The following CACNA1E variants were observed in gnomAD, a reference collection of about 807,000 sequenced individuals.
CACNA1E encodes calcium voltage-gated channel subunit alpha1 E.
A neutral mutation model predicts 259.2 loss-of-function variants in CACNA1E; 40 were observed. The observed-to-expected ratio is 0.15, with a 90% CI of 0.12 to 0.20. The LOEUF is 0.20. Ranked by LOEUF, CACNA1E falls within the 10% of genes least tolerant of loss-of-function variation. The pLI is 1.00. For synonymous variants in CACNA1E, 1,104 were observed against 1,138.5 expected, an observed-to-expected ratio of 0.97 and a Z score of 0.61; for missense variants, 1,874 against 3,040.1, an observed-to-expected ratio of 0.62 and a Z score of 9.02.
At chr1:181,744,918 A>G (rs1656917178) in intron 25 of CACNA1E, among the ~76,000 whole-genome samples, 1 of 152,174 alleles carries the variant, frequency 6.6e-6, no homozygotes, top group Non-Finnish European at 1.5e-5. Flanking sequence ...GGAATTGGAA[A>G]TTTCCAACTG....
chr1:181,460,353 A>AGTGGTG (rs1476672042), intron 2 of CACNA1E, among the ~76,000 whole-genome samples: 1 of 152,180 alleles, frequency 6.6e-6, no homozygotes, highest in Non-Finnish European at 1.5e-5. Context: ...GAGTGGGAGC[A>AGTGGTG]GTGGTGGTCA....
intron 1 of CACNA1E, among the ~76,000 whole-genome samples, chr1:181,379,405 G>A (rs867364267): frequency 6.6e-6 from 1 of 152,102 alleles, no homozygotes; most frequent in Non-Finnish European, 1.5e-5. Context: ...CTATACCAAG[G>A]CACATTATAA....
intron 6 of CACNA1E, among the ~76,000 whole-genome samples, chr1:181,585,512 A>G (rs1651970644): frequency 6.6e-6 from 1 of 152,234 alleles, no homozygotes; most frequent in Non-Finnish European, 1.5e-5. Context: ...TAGTGGGAAA[A>G]TGCATATAGA....
At chr1:181,480,079 C>G (rs555230497), upstream of CACNA1E, among the ~76,000 whole-genome samples, 77 of 152,108 alleles carry the variant, frequency 5.1e-4, 1 homozygote, top group African/African-American at 1.7e-3. Context: ...CTAGGAGTTG[C>G]CAGCTAGGAC....
chr1:181,609,201 C>T (rs1315508185), intron 6 of CACNA1E, among the ~76,000 whole-genome samples: 2 of 152,196 alleles, frequency 1.3e-5, no homozygotes, highest in African/African-American at 2.4e-5. Flanking sequence ...ATCAGGATCA[C>T]GTGGAAAGAA....
chr1:181,412,341 T>A (rs1171668759), intron 1 of CACNA1E, among the ~76,000 whole-genome samples: 1 of 151,924 alleles, frequency 6.6e-6, no homozygotes, highest in Non-Finnish European at 1.5e-5. Flanking sequence ...GGAGGCTGAG[T>A]GAGGAGGATC....
Position 181,715,352 on chromosome 1 carries a change from G to T in CACNA1E, c.1186G>T (p.Ala396Ser). 1 of 1,596,856 alleles carries T rather than the reference G, an allele frequency of 6.3e-7. No homozygotes were observed. Among genetic ancestry groups the T allele is most frequent in the South Asian group, 1.1e-5 (1 of 89,182 alleles). Residue 396 changes from alanine (A) to serine (S), a missense_variant, in exon 9 of 48, where the codon GCT (alanine) becomes TCT (serine). By Grantham distance (99) the Ala-to-Ser change is moderately conservative. Around this residue, in one of 14 missense-constraint regions of CACNA1E, gnomAD observed 157 missense variants for 203.5 expected, o/e 0.77. Transcript: ENST00000367573. ...WIDKAEEVML[A>S]EENKNAGTSA... The stretch of plus-strand genomic sequence containing the variant: ...TTTCCATATAGAGGAAGTCATGCTC[G>T]CTGAAGAAAATAAAAATGCTGGAAC...
intron 2 of CACNA1E, among the ~76,000 whole-genome samples, chr1:181,425,241 CAGG>C (rs1177796254): frequency 6.6e-6 from 1 of 152,174 alleles, no homozygotes; most frequent in Non-Finnish European, 1.5e-5. Flanking sequence ...AAAGCGAAGC[CAGG>C]AGGAGAAGGG....
intron 8 of CACNA1E, 94 bp from the exon 9 acceptor site, chr1:181,715,244 T>C: frequency 1.3e-6 from 1 of 746,708 alleles, no homozygotes; most frequent in Non-Finnish European, 2.4e-6. Flanking sequence ...TCTCTCTCTG[T>C]TGCCCTGAGC....
chr1:181,564,479 T>C (rs1205876308), intron 3 of CACNA1E, among the ~76,000 whole-genome samples: 2 of 152,226 alleles, frequency 1.3e-5, no homozygotes, highest in Non-Finnish European at 2.9e-5. Flanking sequence ...ATTCTAGTTC[T>C]CTTGCTATTC....
At chr1:181,510,688 G>T in intron 2 of CACNA1E, 106 bp downstream of exon 2, 1 of 744,656 alleles carries the variant, frequency 1.3e-6, no homozygotes, top group Non-Finnish European at 2.4e-6. Context: ...AGTTCTGGGA[G>T]GAGTTTGCTC....
intron 3 of CACNA1E, among the ~76,000 whole-genome samples, chr1:181,558,529 A>AG (rs1281602610): frequency 6.6e-6 from 1 of 152,182 alleles, no homozygotes; most frequent in Admixed American, 6.5e-5. Flanking sequence ...AACAGTGTTG[A>AG]GGAGGAGCAG....
intron 2 of CACNA1E, among the ~76,000 whole-genome samples, chr1:181,459,829 A>G (rs1661689445): frequency 1.3e-5 from 2 of 152,196 alleles, no homozygotes; most frequent in African/African-American, 4.8e-5. Flanking sequence ...GGGCAACTGG[A>G]AGGTGGAGAG....
intron 1 of CACNA1E, among the ~76,000 whole-genome samples, chr1:181,405,326 A>G (rs966869689): frequency 6.6e-6 from 1 of 152,196 alleles, no homozygotes; most frequent in African/African-American, 2.4e-5. Flanking sequence ...AGCATTGCAG[A>G]TGCCATTGTC....
intron 16 of CACNA1E, among the ~76,000 whole-genome samples, chr1:181,722,918 G>A (rs1654542424): frequency 6.6e-6 from 1 of 152,172 alleles, no homozygotes; most frequent in Admixed American, 6.5e-5. Context: ...AGACATGGAA[G>A]CTCCATGTGT....
chr1:181,479,626 T>A (rs56294518), upstream of CACNA1E, among the ~76,000 whole-genome samples: 1 of 152,136 alleles, frequency 6.6e-6, no homozygotes, highest in Non-Finnish European at 1.5e-5. Context: ...GAGGGCATGG[T>A]GCCAGGAACA....
rs569921548 is a variant in CACNA1E at position 181,790,451 on chromosome 1, C to T, written c.5793C>T (p.Gly1931=). The T allele has an allele frequency of 3.1e-6, 5 of 1,608,158 alleles. No individual in the cohort carries two copies. In the South Asian group the frequency reaches 5.5e-5, roughly 18 times the overall value. Residue 1931 remains glycine (G), a synonymous_variant, in exon 44 of 48, where the codon GGC becomes GGT. Coordinates refer to ENST00000367573, the MANE Select transcript of CACNA1E (RefSeq NM_001205293.3). ...LQQDPVSGLS[G]RSGYPSMSPL... is the part of the protein sequence containing the mutation. ...ATTTGACATTGCTTTTCAGGAGTGG[C>T]CGGAGTGGATACCCTTCGATGAGTC... is the stretch of plus-strand genomic sequence containing the variant.
intron 2 of CACNA1E, among the ~76,000 whole-genome samples, chr1:181,441,767 G>A (rs954702627): frequency 6.6e-6 from 1 of 152,176 alleles, no homozygotes; most frequent in African/African-American, 2.4e-5. Flanking sequence ...GCGGGCAGCT[G>A]TAAGTGTGTT....
At chr1:181,695,456 T>C (rs569686683) in intron 7 of CACNA1E, among the ~76,000 whole-genome samples, 10 of 152,306 alleles carry the variant, frequency 6.6e-5, no homozygotes, top group African/African-American at 2.4e-4. Context: ...TAGGACTTAT[T>C]ACACTACTTG....
Sources: allele counts gnomAD v4.1 joint callset (sites outside exome capture counted in the v4.1 genomes callset), GRCh38; gene constraint gnomAD v4.1.1; regional missense constraint gnomAD v4.1.1; transcripts MANE v1.5; gene names NCBI Gene and HGNC (gene_info 2026-07-23, HGNC 2026-07-21).